Variants in AP4E1 observed in about 807,000 individuals in gnomAD.
The protein encoded by AP4E1 is AP-4 complex subunit epsilon-1.
A neutral mutation model predicts 128.2 loss-of-function variants in AP4E1; 56 were observed. That is an observed-to-expected ratio of 0.44 (90% CI 0.35 to 0.55). The LOEUF (loss-of-function observed/expected upper bound fraction) is 0.55. AP4E1 is among the 20% of genes least tolerant of loss of function. AP4E1 has a pLI of 0.00. For missense variants in AP4E1, 1,324 were observed against 1,307.7 expected (o/e 1.01, Z -0.19); for synonymous variants, 484 against 473.1 (o/e 1.02, Z -0.30).
At chr15:50,979,235 G>A (rs1457153980) in intron 15 of AP4E1, among the ~76,000 whole-genome samples, 1 of 152,142 alleles carries the variant, frequency 6.6e-6, no homozygotes, top group East Asian at 1.9e-4. Context: ...AAGTGCAATG[G>A]TTTGAATATG....
In AP4E1 at chr15:50,997,872, G is replaced by A. The variant is rs2064901631; in HGVS notation, c.2893G>A (p.Glu965Lys). The change falls in exon 18 of 21, where the codon GAA becomes AAA. Residue 965 changes from glutamate to lysine, a missense_variant. Transcript: ENST00000261842. ...TGCTGACTTAGAAATTTTTCCTGCAGAAAATTTCAAGGTAAAATTTAAAGG... is the reference window on the plus strand; with the variant it reads ...TGCTGACTTAGAAATTTTTCCTGCAAAAAATTTCAAGGTAAAATTTAAAGG... Reference protein sequence around the residue: ...KSADLEIFPAENFKVTEQPGC... With the variant: ...KSADLEIFPAKNFKVTEQPGC... 1.3e-5 allele frequency: 20 copies of A among 1,597,530 alleles called. No homozygotes were observed. Among genetic ancestry groups the A allele is most frequent in the Non-Finnish European group, 1.7e-5 (20 of 1,170,148 alleles).
intron 14 of AP4E1, among the ~76,000 whole-genome samples, chr15:50,964,382 A>G (rs2064359595): frequency 7.3e-6 from 1 of 137,908 alleles, no homozygotes; most frequent in Non-Finnish European, 1.6e-5. Context: ...TGTTTTCTTG[A>G]TTTATTTTTG....
At chr15:50,923,851 A>G (rs767187215) in intron 3 of AP4E1, 80 bp from the exon 4 acceptor site, 24 of 1,043,088 alleles carry the variant, frequency 2.3e-5, no homozygotes, top group Non-Finnish European at 3.4e-5. Flanking sequence ...TTTGATACTT[A>G]CAGGACTGCT....
chr15:50,936,077 G>C (rs1160687229), intron 8 of AP4E1, among the ~76,000 whole-genome samples: 1 of 152,142 alleles, frequency 6.6e-6, no homozygotes, highest in Non-Finnish European at 1.5e-5. Context: ...AGTGTGGAAA[G>C]TAAAGGGAAG....
intron 19 of AP4E1, among the ~76,000 whole-genome samples, chr15:51,000,064 G>A (rs1300885466): frequency 1.3e-5 from 2 of 151,270 alleles, no homozygotes; most frequent in Non-Finnish European, 2.9e-5. Flanking sequence ...GCAGAATACC[G>A]ATGAATATCT....
chr15:50,957,444 G>T (rs2064240057), intron 13 of AP4E1, among the ~76,000 whole-genome samples: 1 of 152,104 alleles, frequency 6.6e-6, no homozygotes, highest in Non-Finnish European at 1.5e-5. Flanking sequence ...GGGCAGGGCA[G>T]GGCAGGGCCA....
At chr15:50,936,135 A>G (rs1203400435) in intron 8 of AP4E1, among the ~76,000 whole-genome samples, 1 of 152,162 alleles carries the variant, frequency 6.6e-6, no homozygotes, top group Non-Finnish European at 1.5e-5. Context: ...AGTGTAATAA[A>G]CAGTTGATAT....
At chr15:50,934,947 A>G (rs1160079325) in intron 8 of AP4E1, among the ~76,000 whole-genome samples, 2 of 152,114 alleles carry the variant, frequency 1.3e-5, no homozygotes, top group African/African-American at 4.8e-5. Flanking sequence ...ACACATATCA[A>G]TTATCTATTT....
chr15:50,945,166 C>T, intron 10 of AP4E1: 1 of 868,910 alleles, frequency 1.2e-6, no homozygotes, highest in African/African-American at 1.6e-5. Flanking sequence ...TGTAAAGAAG[C>T]TGTTTTTGCC....
chr15:50,952,048 A>G (rs1443126941), intron 13 of AP4E1, among the ~76,000 whole-genome samples: 3 of 152,034 alleles, frequency 2.0e-5, no homozygotes, highest in African/African-American at 7.2e-5. Flanking sequence ...TTTTAACTAC[A>G]TTTGTTTTAC....
rs767649724 is a variant in AP4E1 at position 50,997,823 on chromosome 15, T to TA, written c.2846dup (p.Ser950GlufsTer9). 3.1e-6 allele frequency: 5 copies of TA among 1,601,828 alleles called. No individual in the cohort carries two copies. Among genetic ancestry groups the TA allele is most frequent in the Non-Finnish European group, 4.3e-6 (5 of 1,172,476 alleles). On this transcript the variant is annotated frameshift_variant, in exon 18 of 21. Coordinates refer to ENST00000261842, the MANE Select transcript of AP4E1 (RefSeq NM_007347.5). LOFTEE classifies it high-confidence loss of function. ...TATTGATGGTCTGGTCAGTCACTAA[T>TA]AAGAGTGGTTTGGAATTGAAAAGTG...
rs749125427 is a variant in AP4E1 at position 50,930,986 on chromosome 15, G to A, written c.869+15G>A. On this transcript the variant is annotated intron_variant, in intron 7 of 20. Transcript: ENST00000261842. ...GATGATCAAAGGTAAACTATTTTCAGTAAGTTTGCTTAATGACCCCCATAC... is the reference window on the plus strand; with the variant it reads ...GATGATCAAAGGTAAACTATTTTCAATAAGTTTGCTTAATGACCCCCATAC... The A allele has an allele frequency of 1.2e-6, 2 of 1,613,886 alleles. No homozygotes were observed. The highest frequency in any genetic ancestry group is 1.1e-5 in the South Asian group (1 of 91,068).
At chr15:50,982,727 A>G (rs2064660567) in intron 15 of AP4E1, among the ~76,000 whole-genome samples, 1 of 152,152 alleles carries the variant, frequency 6.6e-6, no homozygotes, top group South Asian at 2.1e-4. Flanking sequence ...CTTCTTCTGT[A>G]TCATTTATTT....
intron 1 of AP4E1, among the ~76,000 whole-genome samples, chr15:50,910,113 A>G (rs2063546441): frequency 1.3e-5 from 2 of 152,136 alleles, no homozygotes; most frequent in South Asian, 2.1e-4. Flanking sequence ...CAGCCTCCCA[A>G]GTAGCTGGGA....
chr15:50,930,021 A>T (rs910884267), intron 6 of AP4E1, among the ~76,000 whole-genome samples: 2 of 151,190 alleles, frequency 1.3e-5, no homozygotes, highest in African/African-American at 2.4e-5. Context: ...ATATTTTTAG[A>T]TACTGTGTGG....
At chr15:50,995,339 T>A (rs1034921806) in intron 17 of AP4E1, among the ~76,000 whole-genome samples, 4 of 152,178 alleles carry the variant, frequency 2.6e-5, no homozygotes, top group African/African-American at 9.7e-5. Context: ...ATTAATTTTT[T>A]ATATCACTTT....
chr15:50,959,914 G>A (rs548778536), intron 14 of AP4E1, among the ~76,000 whole-genome samples: 1 of 152,224 alleles, frequency 6.6e-6, no homozygotes, highest in South Asian at 2.1e-4. Flanking sequence ...CACACAGACT[G>A]AAAGTGAAGG....
intron 19 of AP4E1, among the ~76,000 whole-genome samples, chr15:51,000,438 G>T (rs991178741): frequency 3.9e-5 from 6 of 152,170 alleles, no homozygotes; most frequent in Admixed American, 3.3e-4. Flanking sequence ...ACCATGCCCA[G>T]CTTTCCCCAT....
At chr15:50,938,267 C>G (rs1019958907) in intron 8 of AP4E1, among the ~76,000 whole-genome samples, 1 of 151,976 alleles carries the variant, frequency 6.6e-6, no homozygotes, top group Non-Finnish European at 1.5e-5. Context: ...AAAAACACCC[C>G]CAGAAAAGCC....
Sources: gnomAD v4.1 joint callset for allele counts (sites outside exome capture counted in the v4.1 genomes callset) on GRCh38, gnomAD v4.1.1 for gene constraint, MANE v1.5 for transcripts, NCBI Gene and HGNC (gene_info 2026-07-23, HGNC 2026-07-21) for gene names.